Variants in ASIC2 observed in about 807,000 individuals in gnomAD.
ASIC2 encodes the protein acid-sensing ion channel 2.
A neutral mutation model predicts 57.3 loss-of-function variants in ASIC2; 25 were observed. That is an observed-to-expected ratio of 0.44 (90% CI 0.32 to 0.61). The LOEUF is 0.61. Among genes scored for constraint, ASIC2 ranks in the 20% least tolerant of loss-of-function variants. The pLI, the probability that ASIC2 is intolerant of heterozygous loss-of-function variation, is 0.06. For missense variants in ASIC2, 641 were observed against 738.1 expected, an observed-to-expected ratio of 0.87 and a Z score of 1.52; for synonymous variants, 319 against 307.5, an observed-to-expected ratio of 1.04 and a Z score of -0.39.
chr17:33,686,220 G>T (rs1221996120), intron 1 of ASIC2, among the ~76,000 whole-genome samples: 1 of 152,122 alleles, frequency 6.6e-6, no homozygotes, highest in Non-Finnish European at 1.5e-5. Context: ...GCAAGTACCG[G>T]CACAGGTAGC....
At chr17:33,250,344 G>A (rs914063736) in intron 1 of ASIC2, among the ~76,000 whole-genome samples, 8 of 152,306 alleles carry the variant, frequency 5.3e-5, no homozygotes, top group Admixed American at 2.0e-4. Flanking sequence ...GGCCACAGCC[G>A]GGAGCCTGCT....
chr17:33,960,604 C>A (rs1173956049), intron 1 of ASIC2, among the ~76,000 whole-genome samples: 1 of 152,144 alleles, frequency 6.6e-6, no homozygotes, highest in Admixed American at 6.5e-5. Flanking sequence ...CCTTGCTGAT[C>A]TCTGGCCTCA....
At chr17:34,063,584 T>C (rs1909050092) in intron 1 of ASIC2, among the ~76,000 whole-genome samples, 1 of 152,178 alleles carries the variant, frequency 6.6e-6, no homozygotes, top group African/African-American at 2.4e-5. Flanking sequence ...AAACTGTCAC[T>C]ATTTGCTGAT....
intron 1 of ASIC2, among the ~76,000 whole-genome samples, chr17:34,017,374 C>T (rs1214636349): frequency 6.6e-6 from 1 of 152,168 alleles, no homozygotes. Context: ...TCCCCTTTCC[C>T]CTGGCCTCAC....
At chr17:33,179,818 C>T (rs115134812) in intron 1 of ASIC2, among the ~76,000 whole-genome samples, 2,228 of 152,316 alleles carry the variant, frequency 0.015, 32 homozygotes, top group African/African-American at 0.039. Context: ...TTCGTTCTAA[C>T]GTATCATTGT....
At chr17:33,230,282 G>A (rs983002977) in intron 1 of ASIC2, among the ~76,000 whole-genome samples, 5 of 152,244 alleles carry the variant, frequency 3.3e-5, no homozygotes, top group Non-Finnish European at 7.3e-5. Flanking sequence ...AACTCAATAT[G>A]TATTGGAGCC....
rs566094314 is a variant in ASIC2 at position 33,538,412 on chromosome 17, C to A, written c.556-426345G>T. 3.9e-5 allele frequency among the ~76,000 whole-genome samples: 6 copies of A among 152,238 alleles called. 1 individual carries two copies. Among genetic ancestry groups the A allele is most frequent in the African/African-American group, 1.4e-4 (6 of 41,552 alleles). On this transcript the variant is annotated intron_variant, in intron 1 of 9. Coordinates refer to the ASIC2 transcript ENST00000359872. Reference sequence around the variant, plus strand: ...CCCATGGCATCCACAATGGGATCCCCAATTTGTTCTCTGAAGTGGCATCTT... The same window carrying A: ...CCCATGGCATCCACAATGGGATCCCAAATTTGTTCTCTGAAGTGGCATCTT...
At chr17:33,702,711 ACTT>A (rs1239326018) in intron 1 of ASIC2, among the ~76,000 whole-genome samples, 1 of 152,194 alleles carries the variant, frequency 6.6e-6, no homozygotes, top group Non-Finnish European at 1.5e-5. Context: ...ACTGCAATCT[ACTT>A]CTTATAAATA....
intron 1 of ASIC2, among the ~76,000 whole-genome samples, chr17:33,789,464 T>TCTCACA (rs145766933): frequency 0.32 from 45,586 of 144,340 alleles, 8,593 homozygotes; most frequent in Non-Finnish European, 0.43. Flanking sequence ...AGAATCATGG[T>TCTCACA]CACACACACA....
Position 33,530,808 on chromosome 17 carries a change from G to C in ASIC2, c.556-418741C>G, listed in dbSNP as rs1314886936. Among the ~76,000 whole-genome samples the C allele has an allele frequency of 6.6e-5, 10 of 152,138 alleles. No individual in the cohort carries two copies. In the East Asian group the frequency reaches 1.9e-3, roughly 29 times the overall value. On this transcript the variant is annotated intron_variant, in intron 1 of 9. Coordinates refer to the ASIC2 transcript ENST00000359872. ...ACTGCCTCTCATAGCTTTGATAAAA[G>C]TCAATCATTTCTATTAGTTTATGCA...
chr17:33,495,483 A>G (rs1194179355), intron 1 of ASIC2, among the ~76,000 whole-genome samples: 1 of 152,156 alleles, frequency 6.6e-6, no homozygotes, highest in African/African-American at 2.4e-5. Flanking sequence ...TATTTTTCTC[A>G]GTTGCTAAAC....
chr17:33,108,519 C>T (rs918376691), intron 2 of ASIC2, among the ~76,000 whole-genome samples: 2 of 152,186 alleles, frequency 1.3e-5, no homozygotes, highest in Non-Finnish European at 1.5e-5. Flanking sequence ...CGTGTGTCTG[C>T]GCCTCCTCAG....
intron 1 of ASIC2, among the ~76,000 whole-genome samples, chr17:33,275,499 C>T (rs1045480085): frequency 6.6e-5 from 10 of 152,126 alleles, no homozygotes; most frequent in Admixed American, 5.2e-4. Context: ...TTGTGTGTGT[C>T]GTAAACTAGC....
intron 1 of ASIC2, among the ~76,000 whole-genome samples, chr17:33,218,112 GT>G (rs1470624425): frequency 6.6e-6 from 1 of 152,238 alleles, no homozygotes; most frequent in African/African-American, 2.4e-5. Flanking sequence ...GCTTTTAAAT[GT>G]TTTTATTTAA....
At chr17:33,133,893 C>T (rs1427492152) in intron 1 of ASIC2, among the ~76,000 whole-genome samples, 5 of 152,156 alleles carry the variant, frequency 3.3e-5, no homozygotes, top group Non-Finnish European at 7.4e-5. Context: ...GTGGAGGGCA[C>T]AGGAAAAGGG....
intron 1 of ASIC2, among the ~76,000 whole-genome samples, chr17:34,031,113 A>C (rs1385084719): frequency 1.3e-5 from 2 of 152,184 alleles, no homozygotes; most frequent in Admixed American, 6.5e-5. Context: ...GGCACCCCCC[A>C]GTAGGGGCAG....
At chr17:33,331,971 C>G (rs1256434760) in intron 1 of ASIC2, among the ~76,000 whole-genome samples, 3 of 152,194 alleles carry the variant, frequency 2.0e-5, no homozygotes, top group Non-Finnish European at 2.9e-5. Context: ...TTCCCTGGAC[C>G]AACTGAATCA....
chr17:33,891,741 C>A (rs779580508), intron 1 of ASIC2, among the ~76,000 whole-genome samples: 1 of 152,076 alleles, frequency 6.6e-6, no homozygotes, highest in Non-Finnish European at 1.5e-5. Context: ...CTGCTGGCTT[C>A]GTGTTTTTAA....
At chr17:34,033,232 A>T (rs913001689) in intron 1 of ASIC2, among the ~76,000 whole-genome samples, 3 of 152,228 alleles carry the variant, frequency 2.0e-5, no homozygotes, top group Admixed American at 6.5e-5. Context: ...ACTCAACTAC[A>T]TGGAAACTGA....
Sources: gnomAD v4.1 joint callset for allele counts (sites outside exome capture counted in the v4.1 genomes callset) on GRCh38, gnomAD v4.1.1 for gene constraint, MANE v1.5 for transcripts, NCBI Gene and HGNC (gene_info 2026-07-23, HGNC 2026-07-21) for gene names.